Variants in MDH1B observed in about 807,000 individuals in gnomAD.
The protein encoded by MDH1B is putative malate dehydrogenase 1B.
Under a neutral mutation model 61.4 loss-of-function variants are expected in MDH1B, and 60 were observed. That is an observed-to-expected ratio of 0.98 (90% CI 0.79 to 1.21). The LOEUF (loss-of-function observed/expected upper bound fraction) is 1.21. Among genes scored for constraint, MDH1B ranks in the 50% most tolerant of loss-of-function variants. The probability of loss-of-function intolerance (pLI) is 0.00; values close to 1 mark genes in which losing one functional copy is unlikely to be tolerated. For synonymous variants in MDH1B, 236 were observed against 218.7 expected, an observed-to-expected ratio of 1.08 and a Z score of -0.70; for missense variants, 587 against 632.1, an observed-to-expected ratio of 0.93 and a Z score of 0.76.
chr2:206,760,991 A>C lies in MDH1B; in HGVS notation c.45T>G (p.Tyr15Ter). The change falls in exon 2 of 12, where the codon TAT becomes TAG. Residue 15 changes from tyrosine to a stop codon, truncating the protein, a stop_gained. Coordinates refer to ENST00000374412, the MANE Select transcript of MDH1B (RefSeq NM_001039845.3). LOFTEE classifies it high-confidence loss of function. ...VIAGRADCPYYAKTELVADYL... is the reference protein window; with the variant it reads ...VIAGRADCPY ...AGTCTGCCACAAGTTCTGTTTTAGC[A>C]TAATATGGACAATCTGCTCTACCTA... The C allele has an allele frequency of 6.2e-7, 1 of 1,607,330 alleles. No individual in the cohort carries two copies. Among genetic ancestry groups the C allele is most frequent in the Non-Finnish European group, 8.5e-7 (1 of 1,174,292 alleles).
rs752358494 is a variant in MDH1B at position 206,746,335 on chromosome 2, A to C, written c.1308T>G (p.Val436=). ...GGGTCATTATTTGTTCACTTATTTC[A>C]ACATCTTTGAGATCTGTAAGAACCA... ...TWVVLTDLKD[V]EISEQIMTRM... is the part of the protein sequence containing the mutation. The change falls in exon 8 of 12, where the codon GTT becomes GTG. Residue 436 remains valine, a synonymous_variant. Coordinates refer to ENST00000374412, the MANE Select transcript of MDH1B (RefSeq NM_001039845.3). 13 of 1,613,918 alleles carry C rather than the reference A, an allele frequency of 8.1e-6. No homozygotes were observed. The highest frequency in any genetic ancestry group is 1.0e-5 in the Non-Finnish European group (12 of 1,179,924).
At chr2:206,756,759 G>T in intron 4 of MDH1B, 139 bp downstream of exon 4, 2 of 751,888 alleles carry the variant, frequency 2.7e-6, no homozygotes, top group Non-Finnish European at 4.3e-6. Flanking sequence ...ATGTATATGT[G>T]TATACATATA....
rs1010295578 is a variant in MDH1B, at chr2:206,745,768, T to C, written c.1357-95A>G. On this transcript the variant is annotated intron_variant, in intron 8 of 11. Transcript: ENST00000374412. ...TTTTTTTTGAGACAGAGTTTCACTC[T>C]TGTTGCCCAGGCTGGAGTGCAGTGG... 3.2e-6 allele frequency: 3 copies of C among 931,788 alleles called. No individual in the cohort carries two copies. The African/African-American group carries it at 5.0e-5, about 16-fold the overall frequency. 57.7% of individuals were successfully genotyped at this position (931,788 alleles called of 1,614,324 possible).
At chr2:206,739,057 T>C (rs1687658467) in intron 11 of MDH1B, among the ~76,000 whole-genome samples, 1 of 152,206 alleles carries the variant, frequency 6.6e-6, no homozygotes, top group South Asian at 2.1e-4. Context: ...ATTACTTGTG[T>C]CAATTTCCTT....
chr2:206,755,262 G>T lies in MDH1B; in HGVS notation c.657C>A (p.Asn219Lys), dbSNP rs1210455498. Reference sequence around the variant, plus strand: ...AGTCCTCCAGAGTGAACACCTCCTTGTTGGTGCTGTCATCCAGCACCACAA... The same window carrying T: ...AGTCCTCCAGAGTGAACACCTCCTTTTTGGTGCTGTCATCCAGCACCACAA... ...HVIVVLDDST[N>K]KEVFTLEDCL... Residue 219 changes from asparagine (N) to lysine (K), a missense_variant, in exon 5 of 12, where the codon AAC (asparagine) becomes AAA (lysine). Transcript: ENST00000374412. 1 of 1,614,180 alleles carries T rather than the reference G, an allele frequency of 6.2e-7. No individual in the cohort carries two copies. The highest frequency in any genetic ancestry group is 1.1e-5 in the South Asian group (1 of 91,090).
In MDH1B at chr2:206,738,809, T is replaced by C. The variant is rs1001623678; in HGVS notation, c.1529-298A>G. On this transcript the variant is annotated intron_variant, in intron 11 of 11. Coordinates refer to ENST00000374412, the MANE Select transcript of MDH1B (RefSeq NM_001039845.3). The stretch of plus-strand genomic sequence containing the variant: ...GCAGCTATGTTGTCAGCTCCATTTC[T>C]GCTCGACTTTGCTGCTCCTCTATGT... 5.2e-5 allele frequency among the ~76,000 whole-genome samples: 7 copies of C among 134,308 alleles called. No individual in the cohort carries two copies. The South Asian group carries it at 1.7e-3, about 32-fold the overall frequency. 88.1% of individuals were successfully genotyped at this position (134,308 alleles called of 152,430 possible). A position where few individuals can be genotyped will look rare whatever the true frequency, so the allele number is the denominator to read the frequency against.
chr2:206,760,439 AC>A (rs1309846460), intron 2 of MDH1B, among the ~76,000 whole-genome samples: 1 of 152,128 alleles, frequency 6.6e-6, no homozygotes, highest in Non-Finnish European at 1.5e-5. Flanking sequence ...TCAAACTTCA[AC>A]TTCTCCCTTT....
Position 206,760,999 on chromosome 2 carries a change from G to A in MDH1B, c.37C>T (p.Pro13Ser). The part of the protein sequence containing the change: ...KFVIAGRADC[P>S]YYAKTELVAD... ...ACAAGTTCTGTTTTAGCATAATATG[G>A]ACAATCTGCTCTACCTAAAAGAGTT... is the stretch of plus-strand genomic sequence containing the variant. The change falls in exon 2 of 12, where the codon CCA becomes TCA. Residue 13 changes from proline (P) to serine (S), a missense_variant. Transcript: ENST00000374412. 1.3e-6 allele frequency: 2 copies of A among 1,596,612 alleles called. No homozygotes were observed.
In MDH1B at chr2:206,765,275, C is replaced by T. The variant is rs776042101; in HGVS notation, c.-4G>A. The T allele has an allele frequency of 2.5e-6, 4 of 1,601,166 alleles. No homozygotes were observed. Among genetic ancestry groups the T allele is most frequent in the Non-Finnish European group, 3.4e-6 (4 of 1,175,948 alleles). On this transcript the variant is annotated 5_prime_UTR_variant, in exon 1 of 12. Transcript: ENST00000374412. The stretch of plus-strand genomic sequence containing the variant: ...CCGCGATGACGAATTTGGCCATGGT[C>T]GAGAGAGACTCAGAGGCAGGGACCG...
At chr2:206,753,629 T>C (rs1020642271) in intron 5 of MDH1B, among the ~76,000 whole-genome samples, 2 of 152,210 alleles carry the variant, frequency 1.3e-5, no homozygotes, top group Admixed American at 1.3e-4. Flanking sequence ...CCTTGGTGGT[T>C]TTTCTCTTTC....
intron 10 of MDH1B, among the ~76,000 whole-genome samples, chr2:206,740,589 A>C (rs1248444813): frequency 6.6e-6 from 1 of 152,182 alleles, no homozygotes; most frequent in Admixed American, 6.5e-5. Context: ...TTTATGTAAT[A>C]CATTATAAAT....
chr2:206,744,735 G>C (rs1372282137), intron 9 of MDH1B, among the ~76,000 whole-genome samples: 2 of 151,694 alleles, frequency 1.3e-5, no homozygotes, highest in African/African-American at 4.8e-5. Flanking sequence ...GACCAGCCCG[G>C]CCAACATAGT....
At chr2:206,754,674 T>A (rs992607454) in intron 5 of MDH1B, among the ~76,000 whole-genome samples, 1 of 152,156 alleles carries the variant, frequency 6.6e-6, no homozygotes, top group Non-Finnish European at 1.5e-5. Context: ...CACTTGCACA[T>A]AGTTTTGATT....
At chr2:206,757,131 A>G in intron 3 of MDH1B, 91 bp from the exon 4 acceptor site, 1 of 1,531,450 alleles carries the variant, frequency 6.5e-7, no homozygotes, top group Middle Eastern at 1.7e-4. Context: ...AAGTCAAAAG[A>G]CAATAAAAAG....
chr2:206,762,651 T>A (rs1307160160), intron 1 of MDH1B, among the ~76,000 whole-genome samples: 1 of 152,048 alleles, frequency 6.6e-6, no homozygotes, highest in African/African-American at 2.4e-5. Flanking sequence ...CTTGAAAGAG[T>A]TCCCTATATT....
At position 206,752,601 on chromosome 2, in the gene MDH1B, A is replaced by T. The variant is rs1275554131; in HGVS notation, c.911-1526T>A. On this transcript the variant is annotated intron_variant, in intron 5 of 11. Transcript: ENST00000374412. ...GCTCATAGGATCCCACATGGGGAAA[A>T]TAATTCTTGGGCCAGGTAAGCATAT... 3.3e-5 allele frequency among the ~76,000 whole-genome samples: 5 copies of T among 152,176 alleles called. No individual in the cohort carries two copies. In the East Asian group the frequency reaches 9.7e-4, roughly 30 times the overall value.
At position 206,755,210 on chromosome 2, in the gene MDH1B, T is replaced by C. The variant is rs1688684760; in HGVS notation, c.709A>G (p.Arg237Gly). Reference sequence around the variant, plus strand: ...TTCTCTATCAGGTACCCATAGAGCCTGCAGAGAGGCACCCTGCTTCGGAGG... The same window carrying C: ...TTCTCTATCAGGTACCCATAGAGCCCGCAGAGAGGCACCCTGCTTCGGAGG... ...DCLRSRVPLC[R>G]LYGYLIEKNA... is the part of the protein sequence containing the mutation. Residue 237 changes from arginine (R) to glycine (G), a missense_variant, in exon 5 of 12, where the codon AGG (arginine) becomes GGG (glycine). Coordinates refer to ENST00000374412, the MANE Select transcript of MDH1B (RefSeq NM_001039845.3). 1 of 1,614,070 alleles carries C rather than the reference T, an allele frequency of 6.2e-7. No individual in the cohort carries two copies. The highest frequency in any genetic ancestry group is 1.3e-5 in the African/African-American group (1 of 74,938).
intron 5 of MDH1B, among the ~76,000 whole-genome samples, chr2:206,753,748 C>T (rs985891015): frequency 2.0e-5 from 3 of 152,118 alleles, no homozygotes; most frequent in African/African-American, 4.8e-5. Flanking sequence ...ACCAACTTTC[C>T]TCCATTTTTC....
At chr2:206,746,450 A>G (rs1688117562) in intron 7 of MDH1B, 24 bp from the exon 8 acceptor site, 1 of 1,598,080 alleles carries the variant, frequency 6.3e-7, no homozygotes, top group African/African-American at 1.3e-5. Context: ...ACACAAAGCA[A>G]AGCAATGCAG....
Sources: gnomAD v4.1 joint callset for allele counts (sites outside exome capture counted in the v4.1 genomes callset) on GRCh38, gnomAD v4.1.1 for gene constraint, MANE v1.5 for transcripts, NCBI Gene and HGNC (gene_info 2026-07-23, HGNC 2026-07-21) for gene names.